Variants in PDE3B observed in about 807,000 individuals in gnomAD.
PDE3B encodes cGMP-inhibited 3',5'-cyclic phosphodiesterase 3B.
PDE3B carries 66 observed loss-of-function variants against 116.8 expected under a neutral mutation model. The observed-to-expected ratio is 0.56, with a 90% confidence interval of 0.46 to 0.69. PDE3B has a LOEUF of 0.69. Ranked by LOEUF, PDE3B falls within the 30% of genes least tolerant of loss-of-function variation. PDE3B has a pLI of 0.00. For synonymous variants in PDE3B, 595 were observed against 533.6 expected, an observed-to-expected ratio of 1.12 and a Z score of -1.59; for missense variants, 1,384 against 1,368.1, an observed-to-expected ratio of 1.01 and a Z score of -0.18.
chr11:14,865,191 G>C (rs1555007872), intron 14 of PDE3B, among the ~76,000 whole-genome samples: 1 of 152,186 alleles, frequency 6.6e-6, no homozygotes, highest in Non-Finnish European at 1.5e-5. Flanking sequence ...TACTATCAGA[G>C]AATACTATAA....
intron 1 of PDE3B, among the ~76,000 whole-genome samples, chr11:14,648,558 A>T (rs1756906906): frequency 6.6e-6 from 1 of 152,056 alleles, no homozygotes; most frequent in Non-Finnish European, 1.5e-5. Flanking sequence ...GTAAAATATC[A>T]GCCTACATAA....
At chr11:14,822,060 G>A (rs560921688) in intron 7 of PDE3B, among the ~76,000 whole-genome samples, 2 of 151,868 alleles carry the variant, frequency 1.3e-5, no homozygotes, top group South Asian at 4.2e-4. Flanking sequence ...CACCATGCCC[G>A]GCTAATTAAA....
At chr11:14,887,570 A>G in the PDE3B span, 1 of 982,700 alleles carries the variant, frequency 1.0e-6, no homozygotes, top group Non-Finnish European at 1.2e-6. Flanking sequence ...AGTGCCAATT[A>G]TGGGCTAATT....
chr11:14,841,345 CTCTA>C (rs1860216755), intron 11 of PDE3B, among the ~76,000 whole-genome samples: 1 of 145,620 alleles, frequency 6.9e-6, no homozygotes, highest in African/African-American at 2.5e-5. Flanking sequence ...CTCTCTCTCT[CTCTA>C]TATATATATA....
chr11:14,826,127 G>A (rs1181638081), intron 7 of PDE3B, among the ~76,000 whole-genome samples: 1 of 152,184 alleles, frequency 6.6e-6, no homozygotes, highest in Admixed American at 6.5e-5. Flanking sequence ...GCAGTGTTAA[G>A]AGGGAAATTT....
chr11:14,662,885 C>T (rs1853980160), intron 1 of PDE3B, among the ~76,000 whole-genome samples: 1 of 152,166 alleles, frequency 6.6e-6, no homozygotes, highest in African/African-American at 2.4e-5. Flanking sequence ...AAACACTCTG[C>T]AGGATATTAT....
intron 5 of PDE3B, among the ~76,000 whole-genome samples, chr11:14,817,127 G>A (rs868532456): frequency 2.1e-4 from 32 of 152,316 alleles, no homozygotes; most frequent in African/African-American, 7.5e-4. Context: ...ATGAGTTCAT[G>A]TCCTTTGCAG....
intron 1 of PDE3B, among the ~76,000 whole-genome samples, chr11:14,729,154 A>G (rs1015213712): frequency 4.6e-5 from 7 of 152,226 alleles, no homozygotes; most frequent in African/African-American, 1.7e-4. Flanking sequence ...TAGCTCTTGT[A>G]TTAGATCCCA....
intron 12 of PDE3B, among the ~76,000 whole-genome samples, chr11:14,848,924 T>C (rs1191635032): frequency 1.3e-5 from 2 of 152,184 alleles, no homozygotes; most frequent in African/African-American, 2.4e-5. Flanking sequence ...AGGTAATTTA[T>C]AGATTCAATG....
At chr11:14,790,452 A>C (rs1245503646) in intron 4 of PDE3B, among the ~76,000 whole-genome samples, 3 of 152,128 alleles carry the variant, frequency 2.0e-5, no homozygotes, top group East Asian at 1.9e-4. Context: ...GGGTTTTAAA[A>C]GGTATGATAA....
chr11:14,794,339 CA>C (rs1858484001), intron 4 of PDE3B, among the ~76,000 whole-genome samples: 1 of 144,066 alleles, frequency 6.9e-6, no homozygotes, highest in South Asian at 2.2e-4. Flanking sequence ...TTTTTTGAGA[CA>C]GAGTCTCACT....
chr11:14,645,611 C>T (rs1853379066), intron 1 of PDE3B, among the ~76,000 whole-genome samples: 1 of 152,148 alleles, frequency 6.6e-6, no homozygotes, highest in Non-Finnish European at 1.5e-5. Flanking sequence ...GATGAAAAGA[C>T]AGCAGTATAG....
chr11:14,872,795 A>G (rs887363037), downstream of PDE3B, among the ~76,000 whole-genome samples: 11 of 152,188 alleles, frequency 7.2e-5, no homozygotes, highest in African/African-American at 2.7e-4. Flanking sequence ...AGGGTTACGC[A>G]TCCCACAAAT....
chr11:14,779,714 A>G (rs1322617389), intron 2 of PDE3B, among the ~76,000 whole-genome samples: 2 of 152,220 alleles, frequency 1.3e-5, no homozygotes, highest in Non-Finnish European at 2.9e-5. Context: ...CTGCAAAAAC[A>G]TGCCAAATTG....
chr11:14,880,311 A>G, the PDE3B span: 1 of 1,613,274 alleles, frequency 6.2e-7, no homozygotes, highest in Non-Finnish European at 8.5e-7. Context: ...CATCAACAAA[A>G]TGCTGAGGTA....
chr11:14,862,887 A>AT (rs1236914188), intron 14 of PDE3B, among the ~76,000 whole-genome samples: 130 of 151,624 alleles, frequency 8.6e-4, no homozygotes, highest in South Asian at 3.6e-3. Context: ...TAAATCTTTA[A>AT]TTTTTTTTTA....
intron 15 of PDE3B, 106 bp from the exon 16 acceptor site, chr11:14,869,354 TA>T (rs1296697623): frequency 1.8e-5 from 13 of 718,264 alleles, no homozygotes; most frequent in Non-Finnish European, 3.0e-5. Flanking sequence ...TAGTACTGTT[TA>T]CTTTTATACT....
the PDE3B span, chr11:14,891,993 C>A: frequency 3.1e-6 from 5 of 1,613,262 alleles, no homozygotes; most frequent in Non-Finnish European, 4.2e-6. Context: ...CTCCGTACAC[C>A]TGGCTCTGCT....
At chr11:14,733,407 T>G (rs1405471373) in intron 1 of PDE3B, among the ~76,000 whole-genome samples, 4 of 152,220 alleles carry the variant, frequency 2.6e-5, no homozygotes, top group Non-Finnish European at 5.9e-5. Context: ...TCTTGTTTAT[T>G]TCTTTGGATC....
Sources: gnomAD v4.1 joint callset for allele counts (sites outside exome capture counted in the v4.1 genomes callset) on GRCh38, gnomAD v4.1.1 for gene constraint, MANE v1.5 for transcripts, NCBI Gene and HGNC (gene_info 2026-07-23, HGNC 2026-07-21) for gene names.